Variants in B3GALT1 observed in about 807,000 individuals in gnomAD.
The protein encoded by B3GALT1 is beta-1,3-galactosyltransferase 1.
In B3GALT1, 10 loss-of-function variants were observed where a neutral mutation model predicts 23.2. The observed-to-expected ratio is 0.43, with a 90% CI of 0.27 to 0.73. The LOEUF is 0.73. B3GALT1 is among the 30% of genes least tolerant of loss of function. The pLI is 0.21. For missense variants in B3GALT1, 299 were observed against 405.4 expected (o/e 0.74, Z 2.25); for synonymous variants, 156 against 141.5 (o/e 1.10, Z -0.73).
At chr2:167,539,874 TTC>T (rs1282802780) in intron 2 of B3GALT1, among the ~76,000 whole-genome samples, 1 of 152,106 alleles carries the variant, frequency 6.6e-6, no homozygotes, top group African/African-American at 2.4e-5. Context: ...TTTAATTATT[TTC>T]TGTTTTCTGA....
At chr2:167,814,483 C>T (rs1409969923) in intron 3 of B3GALT1, among the ~76,000 whole-genome samples, 2 of 152,106 alleles carry the variant, frequency 1.3e-5, no homozygotes, top group South Asian at 2.1e-4. Context: ...TTACTGGGGC[C>T]GGGAGCGGTG....
chr2:167,531,380 CT>C (rs1683324165), intron 2 of B3GALT1, among the ~76,000 whole-genome samples: 1 of 152,032 alleles, frequency 6.6e-6, no homozygotes, highest in Non-Finnish European at 1.5e-5. Context: ...ATAATGTAGT[CT>C]TTTCTTTTTT....
At chr2:167,512,352 TA>T (rs1417811216) in intron 2 of B3GALT1, among the ~76,000 whole-genome samples, 1 of 151,282 alleles carries the variant, frequency 6.6e-6, no homozygotes, top group Non-Finnish European at 1.5e-5. Flanking sequence ...GAGATTATCC[TA>T]TTTTTCATCA....
intron 1 of B3GALT1, among the ~76,000 whole-genome samples, chr2:167,358,277 GT>G (rs1028005427): frequency 1.6e-4 from 24 of 152,170 alleles, no homozygotes; most frequent in Admixed American, 1.2e-3. Flanking sequence ...AACAAGTGTA[GT>G]TTTAAAAAGG....
chr2:167,733,840 AAGG>A (rs1687449911), intron 3 of B3GALT1, among the ~76,000 whole-genome samples: 1 of 152,156 alleles, frequency 6.6e-6, no homozygotes, highest in African/African-American at 2.4e-5. Context: ...TGATGGTCTT[AAGG>A]AGATGTTGTG....
intron 2 of B3GALT1, among the ~76,000 whole-genome samples, chr2:167,574,172 T>C (rs906241907): frequency 1.3e-5 from 2 of 151,730 alleles, no homozygotes; most frequent in African/African-American, 4.8e-5. Context: ...CACTTAGTAC[T>C]ATAATACTAT....
chr2:167,458,129 TCTC>T (rs1241863117), intron 1 of B3GALT1, among the ~76,000 whole-genome samples: 4 of 152,252 alleles, frequency 2.6e-5, no homozygotes, highest in Non-Finnish European at 5.9e-5. Context: ...CATTTCCCCT[TCTC>T]CTCAGCCCCT....
chr2:167,813,456 T>G (rs1022673044), intron 3 of B3GALT1, among the ~76,000 whole-genome samples: 10 of 152,242 alleles, frequency 6.6e-5, no homozygotes, highest in Admixed American at 6.5e-4. Context: ...ATGCTTGTCT[T>G]ATTGAGTTTC....
At chr2:167,401,087 C>G (rs1297055554) in intron 1 of B3GALT1, among the ~76,000 whole-genome samples, 3 of 151,970 alleles carry the variant, frequency 2.0e-5, no homozygotes, top group African/African-American at 7.2e-5. Flanking sequence ...CTACTTTCCC[C>G]TTAATCTGCT....
At chr2:167,548,599 G>C (rs1181610498) in intron 2 of B3GALT1, among the ~76,000 whole-genome samples, 2 of 152,018 alleles carry the variant, frequency 1.3e-5, no homozygotes, top group Non-Finnish European at 2.9e-5. Flanking sequence ...CAGTGAGAAT[G>C]CAAGCATCAA....
intron 1 of B3GALT1, among the ~76,000 whole-genome samples, chr2:167,328,219 G>A (rs555225010): frequency 5.9e-5 from 9 of 152,284 alleles, no homozygotes; most frequent in Non-Finnish European, 8.8e-5. Flanking sequence ...TGGTATCAGG[G>A]TAATGCTGAC....
intron 2 of B3GALT1, among the ~76,000 whole-genome samples, chr2:167,610,271 G>T (rs947542026): frequency 6.6e-6 from 1 of 152,046 alleles, no homozygotes; most frequent in African/African-American, 2.4e-5. Flanking sequence ...TTTCAAGCAG[G>T]CAGAGCACAG....
At chr2:167,531,097 C>A (rs1332066630) in intron 2 of B3GALT1, among the ~76,000 whole-genome samples, 1 of 152,138 alleles carries the variant, frequency 6.6e-6, no homozygotes, top group African/African-American at 2.4e-5. Flanking sequence ...CATTCTCCTA[C>A]CAAACACAGA....
intron 1 of B3GALT1, among the ~76,000 whole-genome samples, chr2:167,351,120 T>C (rs1441152665): frequency 6.6e-6 from 1 of 151,924 alleles, no homozygotes; most frequent in African/African-American, 2.4e-5. Context: ...AATATAAAAC[T>C]TAGCTGGGCA....
chr2:167,508,282 G>A, intron 2 of B3GALT1, among the ~76,000 whole-genome samples: 1 of 146,328 alleles, frequency 6.8e-6, no homozygotes, highest in African/African-American at 2.6e-5. Context: ...TTTTCAGACG[G>A]AGTCTTGCTC....
chr2:167,843,807 G>A (rs1195990270), intron 4 of B3GALT1, among the ~76,000 whole-genome samples: 2 of 152,184 alleles, frequency 1.3e-5, no homozygotes, highest in Non-Finnish European at 2.9e-5. Flanking sequence ...AGAATGATGA[G>A]CCAGGTTGGG....
At chr2:167,370,370 A>G (rs947503994) in intron 1 of B3GALT1, among the ~76,000 whole-genome samples, 1 of 100,130 alleles carries the variant, frequency 1.0e-5, no homozygotes, top group Admixed American at 1.3e-4. Context: ...GACAGAACCA[A>G]GAGTTTCTTT....
At chr2:167,835,856 C>A (rs144797252) in intron 4 of B3GALT1, among the ~76,000 whole-genome samples, 2 of 152,182 alleles carry the variant, frequency 1.3e-5, no homozygotes, top group East Asian at 3.8e-4. Flanking sequence ...CAGACAGCAG[C>A]GTTCACGGTT....
chr2:167,629,998 G>C (rs1053329110), intron 2 of B3GALT1, among the ~76,000 whole-genome samples: 9 of 151,684 alleles, frequency 5.9e-5, no homozygotes, highest in Non-Finnish European at 1.3e-4. Flanking sequence ...TAAATGTTAT[G>C]ACACTAGACA....
Sources: gnomAD v4.1 joint callset for allele counts (sites outside exome capture counted in the v4.1 genomes callset) on GRCh38, gnomAD v4.1.1 for gene constraint, MANE v1.5 for transcripts, NCBI Gene and HGNC (gene_info 2026-07-23, HGNC 2026-07-21) for gene names.